The following SCAF4 variants were observed in gnomAD, a reference collection of about 807,000 sequenced individuals.
The protein encoded by SCAF4 is SR-related and CTD-associated factor 4.
A neutral mutation model predicts 129.8 loss-of-function variants in SCAF4; 25 were observed. That is an observed-to-expected ratio of 0.19 (90% CI 0.14 to 0.27). The LOEUF (loss-of-function observed/expected upper bound fraction) is 0.27, where lower values mean the gene tolerates loss of function less well. Ranked by LOEUF, SCAF4 falls within the 10% of genes least tolerant of loss-of-function variation. The probability of loss-of-function intolerance (pLI) is 1.00; values close to 1 mark genes in which losing one functional copy is unlikely to be tolerated. For missense variants in SCAF4, 1,246 were observed against 1,457.1 expected, an observed-to-expected ratio of 0.86 and a Z score of 2.36; for synonymous variants, 551 against 497.7, an observed-to-expected ratio of 1.11 and a Z score of -1.43.
chr21:31,691,051 AC>A (rs1320166640), intron 14 of SCAF4, 98 bp from the exon 15 acceptor site: 1 of 957,872 alleles, frequency 1.0e-6, no homozygotes, highest in Non-Finnish European at 1.5e-6. Flanking sequence ...CGACTCGGGC[AC>A]CAAGGGAGCA....
At chr21:31,721,981 A>C (rs971975889) in intron 1 of SCAF4, among the ~76,000 whole-genome samples, 2 of 152,036 alleles carry the variant, frequency 1.3e-5, no homozygotes, top group Non-Finnish European at 2.9e-5. Context: ...TGACCTCCCA[A>C]AGTGCTGGGA....
At chr21:31,678,356 C>G (rs1423992373) in intron 19 of SCAF4, among the ~76,000 whole-genome samples, 1 of 152,176 alleles carries the variant, frequency 6.6e-6, no homozygotes, top group Non-Finnish European at 1.5e-5. Context: ...TCTGAAGGCT[C>G]TATCTTCAAA....
chr21:31,699,542 C>T (rs2050471283), intron 7 of SCAF4, among the ~76,000 whole-genome samples: 1 of 148,434 alleles, frequency 6.7e-6, no homozygotes, highest in African/African-American at 2.5e-5. Flanking sequence ...CCTTTTTACT[C>T]AAAAAAATGT....
chr21:31,712,363 G>A (rs1257625850), intron 1 of SCAF4, among the ~76,000 whole-genome samples: 3 of 150,626 alleles, frequency 2.0e-5, no homozygotes, highest in Non-Finnish European at 4.4e-5. Context: ...GATTACAGAC[G>A]TGCACCACCA....
Position 31,685,127 on chromosome 21 carries a change from T to G in SCAF4, c.2410A>C (p.Met804Leu). The G allele has an allele frequency of 6.2e-7, 1 of 1,613,154 alleles. No homozygotes were observed. Among genetic ancestry groups the G allele is most frequent in the East Asian group, 2.2e-5 (1 of 44,868 alleles). ...GCAGGTGGCACGGCAGAGCCATACA[T>G]TTTCACGCTGTCACCAGACTCGGCG... ...GNAESGDSVK[M>L]YGSAVPPAAP... Residue 804 changes from methionine (M) to leucine (L), a missense_variant, in exon 19 of 20, where the codon ATG (methionine) becomes CTG (leucine). Physicochemically the swap from Met to Leu is conservative, Grantham distance 15. Transcript: ENST00000286835.
intron 1 of SCAF4, among the ~76,000 whole-genome samples, chr21:31,709,168 TGGTATCCCC>T (rs1280586061): frequency 6.6e-6 from 1 of 152,166 alleles, no homozygotes; most frequent in East Asian, 1.9e-4. Context: ...CACTGGGCAC[TGGTATCCCC>T]ATCACTGTGG....
At chr21:31,691,628 CA>C (rs1259015856) in intron 14 of SCAF4, among the ~76,000 whole-genome samples, 188 bp downstream of exon 14, 2 of 134,950 alleles carry the variant, frequency 1.5e-5, no homozygotes, top group African/African-American at 5.6e-5. Context: ...GTAACATTTA[CA>C]ATTTTATGCT....
intron 16 of SCAF4, among the ~76,000 whole-genome samples, chr21:31,687,368 C>A (rs1163122914): frequency 1.3e-5 from 2 of 152,064 alleles, no homozygotes; most frequent in Non-Finnish European, 2.9e-5. Context: ...AATGCCAAAG[C>A]CAGGAAAGGG....
At chr21:31,727,238 C>A (rs1237982236) in intron 1 of SCAF4, among the ~76,000 whole-genome samples, 1 of 152,002 alleles carries the variant, frequency 6.6e-6, no homozygotes, top group Non-Finnish European at 1.5e-5. Flanking sequence ...ACCACCAGGC[C>A]CAGCTAATTT....
chr21:31,671,732 G>A lies in SCAF4; in HGVS notation c.3111C>T (p.Ser1037=), dbSNP rs1568815811. 4 of 1,613,930 alleles carry A rather than the reference G, an allele frequency of 2.5e-6. No homozygotes were observed. Among genetic ancestry groups the A allele is most frequent in the African/African-American group, 1.3e-5 (1 of 74,986 alleles). The change falls in exon 20 of 20, where the codon AGC becomes AGT. Residue 1037 remains serine, a synonymous_variant. Transcript: ENST00000286835. The stretch of plus-strand genomic sequence containing the variant: ...AGTCTCTGTGCCTGTCCCGGTCAGG[G>A]CTCCTCCTTCCCCACTCTCTCCTGT... ...NRDRREWGRR[S]PDRDRHRDLE...
intron 1 of SCAF4, among the ~76,000 whole-genome samples, chr21:31,728,621 G>A (rs1041192323): frequency 6.6e-6 from 1 of 152,056 alleles, no homozygotes; most frequent in Non-Finnish European, 1.5e-5. Flanking sequence ...GTCTATGCAG[G>A]GTTGTGGGAA....
chr21:31,684,866 G>C lies in SCAF4; in HGVS notation c.2488+183C>G. 4 of 579,248 alleles carry C rather than the reference G, an allele frequency of 6.9e-6. No homozygotes were observed. The South Asian group carries it at 8.2e-5, about 12-fold the overall frequency. 35.9% of individuals were successfully genotyped at this position (579,248 alleles called of 1,614,324 possible). ...TGGTAAAGATCAAGTACACATATTTGACTTTAAGAGGAAGATCTTCCTCAA... is the reference window on the plus strand; with the variant it reads ...TGGTAAAGATCAAGTACACATATTTCACTTTAAGAGGAAGATCTTCCTCAA... On this transcript the variant is annotated intron_variant, in intron 19 of 19. Transcript: ENST00000286835.
chr21:31,680,566 A>G (rs978164709), intron 19 of SCAF4, among the ~76,000 whole-genome samples: 3 of 152,216 alleles, frequency 2.0e-5, no homozygotes, highest in Admixed American at 2.0e-4. Flanking sequence ...TACCTGATAT[A>G]TCACTCTAGC....
At chr21:31,691,217 A>G (rs1486321389) in intron 14 of SCAF4, among the ~76,000 whole-genome samples, 1 of 152,182 alleles carries the variant, frequency 6.6e-6, no homozygotes. Flanking sequence ...AACTTAGAGA[A>G]AAGGAAAAAG....
At chr21:31,684,991 T>TGGGGGGGG (rs1175836620) in intron 19 of SCAF4, 58 bp downstream of exon 19, 2 of 425,842 alleles carry the variant, frequency 4.7e-6, no homozygotes, top group Admixed American at 3.6e-5. Context: ...TGGGGATGGG[T>TGGGGGGGG]GGGGGGGTGG....
chr21:31,730,167 T>C (rs1029164654), intron 1 of SCAF4, among the ~76,000 whole-genome samples: 1 of 152,232 alleles, frequency 6.6e-6, no homozygotes, highest in South Asian at 2.1e-4. Context: ...GGAAAAGAAC[T>C]GAAACTTCCT....
chr21:31,676,380 C>G (rs2049856611), intron 19 of SCAF4, among the ~76,000 whole-genome samples: 1 of 152,192 alleles, frequency 6.6e-6, no homozygotes, highest in South Asian at 2.1e-4. Context: ...GCTCATGCCT[C>G]ACAAGGCCCT....
intron 19 of SCAF4, among the ~76,000 whole-genome samples, chr21:31,676,844 T>C (rs937601742): frequency 6.6e-6 from 1 of 151,994 alleles, no homozygotes; most frequent in Non-Finnish European, 1.5e-5. Context: ...GGGCCATCTC[T>C]ATTTCCCCAG....
chr21:31,717,908 C>CATATAT (rs1300596236), intron 1 of SCAF4, among the ~76,000 whole-genome samples: 24 of 61,740 alleles, frequency 3.9e-4, no homozygotes, highest in East Asian at 1.3e-3. Context: ...CATATATACA[C>CATATAT]ACACACACAC....
Sources: gnomAD v4.1 joint callset for allele counts (sites outside exome capture counted in the v4.1 genomes callset) on GRCh38, gnomAD v4.1.1 for gene constraint, MANE v1.5 for transcripts, NCBI Gene and HGNC (gene_info 2026-07-23, HGNC 2026-07-21) for gene names.